Variants in ZMYM2 observed in about 807,000 individuals in gnomAD.
ZMYM2 encodes the protein zinc finger MYM-type containing 2.
A neutral mutation model predicts 162.8 loss-of-function variants in ZMYM2; 56 were observed. The observed-to-expected ratio is 0.34, with a 90% CI of 0.28 to 0.43. The LOEUF (loss-of-function observed/expected upper bound fraction) is 0.43, where lower values mean the gene tolerates loss of function less well. Among genes scored for constraint, ZMYM2 ranks in the 20% least tolerant of loss-of-function variants. The pLI is 1.00. For missense variants in ZMYM2, 1,275 were observed against 1,621.8 expected (o/e 0.79, Z 3.67); for synonymous variants, 510 against 541.6 (o/e 0.94, Z 0.81).
At chr13:19,878,517 C>CTTT in the ZMYM2 span, among the ~76,000 whole-genome samples, 24 of 99,030 alleles carry the variant, frequency 2.4e-4, no homozygotes, top group Non-Finnish European at 2.9e-4. Context: ...TTCCTTTGCC[C>CTTT]TTTTTTTTTT....
At chr13:19,919,666 T>G in the ZMYM2 span, among the ~76,000 whole-genome samples, 1 of 115,038 alleles carries the variant, frequency 8.7e-6, no homozygotes, top group Non-Finnish European at 1.7e-5. Flanking sequence ...TCTTTATATG[T>G]TTTTTTTCTT....
chr13:20,021,226 C>T (rs1160904884), intron 7 of ZMYM2, among the ~76,000 whole-genome samples: 2 of 152,056 alleles, frequency 1.3e-5, no homozygotes, highest in African/African-American at 4.8e-5. Flanking sequence ...CCGCCTGCCT[C>T]GGCCTCCCAA....
chr13:19,938,477 G>A, the ZMYM2 span, among the ~76,000 whole-genome samples: 1 of 152,162 alleles, frequency 6.6e-6, no homozygotes, highest in African/African-American at 2.4e-5. Context: ...CAGCCTGGGC[G>A]ACAGAGCAAG....
chr13:19,900,875 T>C, the ZMYM2 span, among the ~76,000 whole-genome samples: 1 of 152,044 alleles, frequency 6.6e-6, no homozygotes, highest in Non-Finnish European at 1.5e-5. Flanking sequence ...CCACTAAAAA[T>C]ACAAAAAATT....
At chr13:19,902,288 T>A in the ZMYM2 span, among the ~76,000 whole-genome samples, 1 of 152,192 alleles carries the variant, frequency 6.6e-6, no homozygotes, top group Non-Finnish European at 1.5e-5. Context: ...GCTTCCGTTT[T>A]TTGAAATGAA....
At chr13:20,079,686 C>T (rs1288353803) in intron 21 of ZMYM2, among the ~76,000 whole-genome samples, 1 of 152,152 alleles carries the variant, frequency 6.6e-6, no homozygotes, top group Admixed American at 6.5e-5. Context: ...ACAAGAACAG[C>T]AGATCATTTA....
At chr13:20,075,670 CTTTTTTTTTTTTTTTTTT>C (rs56664916) in intron 21 of ZMYM2, among the ~76,000 whole-genome samples, 1 of 75,738 alleles carries the variant, frequency 1.3e-5, no homozygotes, top group Non-Finnish European at 2.5e-5. Context: ...CTATAGACAC[CTTTTTTTTTTTTTTTTTT>C]TTTTTTTTTT....
At chr13:19,974,167 CTCT>C (rs778471158) in intron 2 of ZMYM2, among the ~76,000 whole-genome samples, 7 of 152,042 alleles carry the variant, frequency 4.6e-5, no homozygotes, top group African/African-American at 7.3e-5. Context: ...GGAAAACTCA[CTCT>C]TCTTCCTCTG....
At chr13:19,890,281 C>T in the ZMYM2 span, among the ~76,000 whole-genome samples, 27 of 151,816 alleles carry the variant, frequency 1.8e-4, 1 homozygote, top group East Asian at 5.2e-3. Flanking sequence ...ATCCTCCCAC[C>T]TCAAGCTCTT....
chr13:20,032,375 A>G (rs1297690745), intron 10 of ZMYM2, among the ~76,000 whole-genome samples: 1 of 147,390 alleles, frequency 6.8e-6, no homozygotes, highest in East Asian at 2.2e-4. Context: ...TTTCTTGAGC[A>G]ATGCTTGCCT....
chr13:20,006,559 T>C lies in ZMYM2; in HGVS notation c.1485T>C (p.Cys495=). Residue 495 remains cysteine, a synonymous_variant, in exon 6 of 25, where the codon TGT becomes TGC. Coordinates refer to ENST00000610343, the MANE Select transcript of ZMYM2 (RefSeq NM_197968.4). ...VIDGQQKRFC[C]QSCVSEYKQV... is the part of the protein sequence containing the mutation. ...ATGGTCAACAGAAAAGATTTTGCTGTCAAAGTTGTGTCAGTGAATACAAAC... is the reference window on the plus strand; with the variant it reads ...ATGGTCAACAGAAAAGATTTTGCTGCCAAAGTTGTGTCAGTGAATACAAAC... 3 of 1,613,864 alleles carry C rather than the reference T, an allele frequency of 1.9e-6. No homozygotes were observed. Among genetic ancestry groups the C allele is most frequent in the Non-Finnish European group, 2.5e-6 (3 of 1,179,834 alleles).
chr13:20,041,335 A>G (rs2140424947), intron 12 of ZMYM2, among the ~76,000 whole-genome samples: 1 of 151,768 alleles, frequency 6.6e-6, no homozygotes, highest in South Asian at 2.1e-4. Flanking sequence ...GTCTTTTTTG[A>G]TCTTTGTTGG....
Position 20,074,237 on chromosome 13 carries a change from T to TGTGTGTGTGAGA in ZMYM2, c.3453+6848_3453+6849insTGTGTGTGAGAG, listed in dbSNP as rs1491090474. On this transcript the variant is annotated intron_variant, in intron 21 of 24. Transcript: ENST00000610343. The stretch of plus-strand genomic sequence containing the variant: ...GTGTGTGTGTGTGTGTGTGTGTGTG[T>TGTGTGTGTGAGA]GAGAGAGACAGAGAGACAGGGTCTC... 4.5e-3 allele frequency among the ~76,000 whole-genome samples: 569 copies of TGTGTGTGTGAGA among 127,528 alleles called. 1 individual carries two copies. Among genetic ancestry groups the TGTGTGTGTGAGA allele is most frequent in the African/African-American group, 0.013 (502 of 37,668 alleles). 83.7% of individuals were successfully genotyped at this position (127,528 alleles called of 152,430 possible).
upstream of ZMYM2, among the ~76,000 whole-genome samples, chr13:19,956,407 G>C (rs1051344021): frequency 3.9e-5 from 6 of 152,162 alleles, no homozygotes; most frequent in Non-Finnish European, 7.3e-5. Context: ...ACATTTCAGG[G>C]ATGTTGGAAA....
At chr13:19,910,831 T>C in the ZMYM2 span, among the ~76,000 whole-genome samples, 1 of 152,112 alleles carries the variant, frequency 6.6e-6, no homozygotes, top group Non-Finnish European at 1.5e-5. Context: ...GTTACTGTAA[T>C]GGACAGCAGA....
intron 4 of ZMYM2, among the ~76,000 whole-genome samples, chr13:20,004,029 T>G (rs1320275759): frequency 6.6e-6 from 1 of 152,222 alleles, no homozygotes; most frequent in Non-Finnish European, 1.5e-5. Context: ...TAAAGCCTGG[T>G]GGCCTTTCTG....
chr13:19,921,599 T>A, the ZMYM2 span, among the ~76,000 whole-genome samples: 1 of 152,140 alleles, frequency 6.6e-6, no homozygotes, highest in Non-Finnish European at 1.5e-5. Context: ...CGCTATTGAT[T>A]AAAAAAATAT....
intron 7 of ZMYM2, among the ~76,000 whole-genome samples, chr13:20,021,606 C>G (rs947092809): frequency 2.6e-5 from 4 of 152,008 alleles, no homozygotes; most frequent in Non-Finnish European, 4.4e-5. Context: ...TTCATACTAC[C>G]GCGGTGATAC....
intron 12 of ZMYM2, among the ~76,000 whole-genome samples, chr13:20,051,157 A>C (rs1370748672): frequency 6.6e-6 from 1 of 151,722 alleles, no homozygotes; most frequent in East Asian, 1.9e-4. Flanking sequence ...AAATACATTC[A>C]TTTGGTCTAC....
Sources: allele counts gnomAD v4.1 joint callset (sites outside exome capture counted in the v4.1 genomes callset), GRCh38; gene constraint gnomAD v4.1.1; transcripts MANE v1.5; gene names NCBI Gene and HGNC (gene_info 2026-07-23, HGNC 2026-07-21).